CFH: variants seen among roughly 807,000 people sequenced by gnomAD.
CFH encodes the protein H factor 1 (complement).
In CFH, 53 loss-of-function variants were observed where a neutral mutation model predicts 147.3. That is an observed-to-expected ratio of 0.36 (90% CI 0.29 to 0.45). The LOEUF is 0.45. CFH is among the 20% of genes least tolerant of loss of function. The pLI is 1.00. For missense variants in CFH, 1,380 were observed against 1,498.0 expected, an observed-to-expected ratio of 0.92 and a Z score of 1.30; for synonymous variants, 536 against 489.4, an observed-to-expected ratio of 1.10 and a Z score of -1.26.
intron 9 of CFH, among the ~76,000 whole-genome samples, chr1:196,710,260 C>A (rs1668694612): frequency 6.6e-6 from 1 of 152,138 alleles, no homozygotes; most frequent in Admixed American, 6.6e-5. Context: ...GAGAATCCTC[C>A]CAATTCCTTG....
At chr1:196,677,450 G>T in intron 4 of CFH, 26 bp from the exon 5 acceptor site, 1 of 1,604,304 alleles carries the variant, frequency 6.2e-7, no homozygotes, top group Non-Finnish European at 8.5e-7. Context: ...AATTCCATTA[G>T]AAAACATTAC....
At chr1:196,700,844 C>T (rs1447851308) in intron 9 of CFH, 6 of 985,328 alleles carry the variant, frequency 6.1e-6, no homozygotes, top group East Asian at 1.1e-4. Flanking sequence ...TGACTTTCAG[C>T]ACACAACCTT....
chr1:196,714,752 G>A (rs1211870893), intron 10 of CFH, among the ~76,000 whole-genome samples: 2 of 143,990 alleles, frequency 1.4e-5, no homozygotes, highest in East Asian at 4.1e-4. Flanking sequence ...CCAGGCTGGA[G>A]TGCAGTGGCA....
chr1:196,680,306 AT>A (rs1667605678), intron 6 of CFH, among the ~76,000 whole-genome samples: 1 of 143,770 alleles, frequency 7.0e-6, no homozygotes, highest in Non-Finnish European at 1.5e-5. Context: ...GTCCTGGAAA[AT>A]TACCAAAAAA....
intron 6 of CFH, among the ~76,000 whole-genome samples, chr1:196,683,760 C>T (rs1401116205): frequency 6.6e-6 from 1 of 151,650 alleles, no homozygotes; most frequent in Non-Finnish European, 1.5e-5. Flanking sequence ...TTGAGGAGTG[C>T]TGGAAAGAAG....
intron 1 of CFH, among the ~76,000 whole-genome samples, chr1:196,660,675 C>G (rs1353661365): frequency 6.6e-6 from 1 of 152,070 alleles, no homozygotes; most frequent in East Asian, 1.9e-4. Context: ...GAAAAAGCAC[C>G]AGAATTTTAA....
chr1:196,686,210 G>C (rs1282162318), intron 7 of CFH, among the ~76,000 whole-genome samples: 1 of 152,036 alleles, frequency 6.6e-6, no homozygotes, highest in Non-Finnish European at 1.5e-5. Flanking sequence ...ATGTGTGTGG[G>C]GACACAGAGC....
chr1:196,657,130 TTTTTTTCTTTTC>T (rs2149067173), intron 1 of CFH, among the ~76,000 whole-genome samples: 1 of 152,084 alleles, frequency 6.6e-6, no homozygotes, highest in East Asian at 1.9e-4. Flanking sequence ...CCTAGCTAAA[TTTTTTTCTTTTC>T]TTTTTTCTTT....
chr1:196,690,291 T>C (rs1248731472), intron 9 of CFH, 52 bp downstream of exon 9: 10 of 1,604,104 alleles, frequency 6.2e-6, no homozygotes, highest in South Asian at 4.4e-5. Context: ...CTAAGTAACA[T>C]AGATGACATT....
intron 9 of CFH, among the ~76,000 whole-genome samples, chr1:196,696,352 G>C (rs2149093468): frequency 6.6e-6 from 1 of 152,250 alleles, no homozygotes; most frequent in East Asian, 1.9e-4. Flanking sequence ...ACCTGCTACT[G>C]AATGACTACT....
chr1:196,686,491 C>G (rs545687370), intron 7 of CFH, among the ~76,000 whole-genome samples: 37 of 152,062 alleles, frequency 2.4e-4, no homozygotes, highest in Non-Finnish European at 4.4e-4. Context: ...TTTTTTCTAT[C>G]TCTACAATCA....
intron 1 of CFH, among the ~76,000 whole-genome samples, chr1:196,664,879 T>G (rs1365114663): frequency 6.6e-6 from 1 of 152,102 alleles, no homozygotes; most frequent in East Asian, 1.9e-4. Flanking sequence ...TTGAAATTAT[T>G]TGTCAACTTA....
chr1:196,701,351 C>A lies in CFH; in HGVS notation c.1336+11112C>A, dbSNP rs377456943. The A allele has an allele frequency of 2.9e-5, 47 of 1,613,596 alleles. No homozygotes were observed. In the Admixed American group the frequency reaches 6.5e-4, roughly 22 times the overall value. ...CTCTGAACTTCTGATCGAAGGTCAT[C>A]CCTCTCCAGCTTGAGTGGATCAAAG... On this transcript the variant is annotated intron_variant, in intron 9 of 21. Transcript: ENST00000367429.
At chr1:196,673,627 T>A (rs1667358740) in intron 2 of CFH, among the ~76,000 whole-genome samples, 1 of 152,108 alleles carries the variant, frequency 6.6e-6, no homozygotes, top group South Asian at 2.1e-4. Flanking sequence ...TGAGCCACCG[T>A]GCCCAGCCAA....
At chr1:196,722,790 A>G (rs76395067) in intron 11 of CFH, among the ~76,000 whole-genome samples, 3,067 of 151,998 alleles carry the variant, frequency 0.02, 98 homozygotes, top group African/African-American at 0.07. Context: ...TTTGCTCTTT[A>G]TTTTTGTCTG....
intron 20 of CFH, among the ~76,000 whole-genome samples, chr1:196,744,572 T>A (rs1652935992): frequency 6.6e-6 from 1 of 152,148 alleles, no homozygotes; most frequent in African/African-American, 2.4e-5. Context: ...GCACTGACAT[T>A]TAAATCTACA....
intron 2 of CFH, 162 bp downstream of exon 2, chr1:196,673,325 C>T: frequency 1.4e-6 from 1 of 706,196 alleles, no homozygotes; most frequent in Non-Finnish European, 2.3e-6. Flanking sequence ...CTGGCTCTGT[C>T]ACCTAGGCTG....
chr1:196,722,673 G>C (rs994146495), intron 11 of CFH, among the ~76,000 whole-genome samples: 2 of 152,010 alleles, frequency 1.3e-5, no homozygotes, highest in Non-Finnish European at 2.9e-5. Context: ...TCCTCAAAAA[G>C]GTTTTTTTAG....
Position 196,679,339 on chromosome 1 carries a change from T to C in CFH, c.620-284T>C, listed in dbSNP as rs34239310. On this transcript the variant is annotated intron_variant, in intron 5 of 21. Transcript: ENST00000367429. ...GAAAACATCACAATAAAACTATATT[T>C]ATGATCAATTTTATTTATACAGTTG... 2,352 of 240,350 alleles carry C rather than the reference T, an allele frequency of 9.8e-3. 63 individuals are homozygous for C. The highest frequency in any genetic ancestry group is 0.05 in the African/African-American group (2,176 of 43,542). The allele number at this position is 240,350 out of a possible 1,614,324, so 14.9% of individuals were successfully genotyped here.
Sources: allele counts gnomAD v4.1 joint callset (sites outside exome capture counted in the v4.1 genomes callset), GRCh38; gene constraint gnomAD v4.1.1; transcripts MANE v1.5; gene names NCBI Gene and HGNC (gene_info 2026-07-23, HGNC 2026-07-21).